EXTL3: variants seen among roughly 807,000 people sequenced by gnomAD.
EXTL3 encodes exostosin-like 3.
In EXTL3, 27 loss-of-function variants were observed where a neutral mutation model predicts 69.3. The ratio of observed to expected loss-of-function variants is 0.39; its 90% CI spans 0.29 to 0.54. The LOEUF is 0.54. Among genes scored for constraint, EXTL3 ranks in the 20% least tolerant of loss-of-function variants. The pLI, the probability that EXTL3 is intolerant of heterozygous loss-of-function variation, is 0.69. For synonymous variants in EXTL3, 511 were observed against 499.4 expected (o/e 1.02, Z -0.31); for missense variants, 1,003 against 1,231.8 (o/e 0.81, Z 2.78).
chr8:28,644,368 T>A (rs1806794429), intron 1 of EXTL3, among the ~76,000 whole-genome samples: 2 of 152,174 alleles, frequency 1.3e-5, no homozygotes, highest in Non-Finnish European at 2.9e-5. Flanking sequence ...TGCTTGGACA[T>A]AGAATCTCTG....
At chr8:28,671,320 T>G (rs1319636897) in intron 1 of EXTL3, among the ~76,000 whole-genome samples, 4 of 146,836 alleles carry the variant, frequency 2.7e-5, no homozygotes, top group Non-Finnish European at 6.0e-5. Context: ...TTTTTTTTTT[T>G]TTTTTTTTTG....
At chr8:28,622,617 C>A (rs1239295373), upstream of EXTL3, 1 of 45,958 alleles carries the variant, frequency 2.2e-5, no homozygotes, top group Non-Finnish European at 4.7e-5. Context: ...GCGGGGTATT[C>A]GGGGGGCGGA....
At chr8:28,722,271 T>C (rs1266586390) in intron 3 of EXTL3, among the ~76,000 whole-genome samples, 2 of 152,122 alleles carry the variant, frequency 1.3e-5, no homozygotes, top group African/African-American at 4.8e-5. Flanking sequence ...CCTGTCTGCC[T>C]TAGGATGCCC....
At chr8:28,678,766 G>T (rs1807431343) in intron 1 of EXTL3, among the ~76,000 whole-genome samples, 1 of 152,170 alleles carries the variant, frequency 6.6e-6, no homozygotes, top group South Asian at 2.1e-4. Context: ...CTAGCTTCTT[G>T]ATCAAAACAA....
At chr8:28,695,545 C>G (rs1800673034) in intron 1 of EXTL3, among the ~76,000 whole-genome samples, 1 of 152,232 alleles carries the variant, frequency 6.6e-6, no homozygotes, top group Admixed American at 6.5e-5. Context: ...CCTCTCTATG[C>G]TGACTCTATT....
rs759815114 is a variant in EXTL3 at position 28,629,949 on chromosome 8, A to G, written c.-53+7139A>G. Among the ~76,000 whole-genome samples, 42 of 152,142 alleles carry G rather than the reference A, an allele frequency of 2.8e-4. 1 individual carries two copies. Among genetic ancestry groups the G allele is most frequent in the Admixed American group, 5.2e-4 (8 of 15,270 alleles). On this transcript the variant is annotated intron_variant, in intron 1 of 6. Transcript: ENST00000523149. ...GGGGGTGCAATCTGGAAGACCCACA[A>G]TTTTCCTGGGACGACATCCCAATCT...
chr8:28,624,032 C>T (rs1806454993), intron 1 of EXTL3, among the ~76,000 whole-genome samples: 1 of 152,122 alleles, frequency 6.6e-6, no homozygotes, highest in South Asian at 2.1e-4. Flanking sequence ...GAAAATTCTC[C>T]TCATCCCCAG....
chr8:28,698,677 C>G (rs147268303), upstream of EXTL3, among the ~76,000 whole-genome samples: 1 of 151,862 alleles, frequency 6.6e-6, no homozygotes, highest in Non-Finnish European at 1.5e-5. Context: ...GTTGAAACCC[C>G]GTCTCTACAA....
At chr8:28,618,102 A>G (rs1328889803), upstream of EXTL3, among the ~76,000 whole-genome samples, 1 of 152,144 alleles carries the variant, frequency 6.6e-6, no homozygotes, top group African/African-American at 2.4e-5. Flanking sequence ...AGTTAATGCT[A>G]TTGAGCTCTA....
intron 5 of EXTL3, chr8:28,741,094 T>G (rs938828083): frequency 6.6e-6 from 1 of 152,264 alleles, no homozygotes; most frequent in African/African-American, 2.4e-5. Flanking sequence ...GTAGCTGGGA[T>G]TCACCCTGTT....
chr8:28,618,167 A>C (rs1439481129), upstream of EXTL3, among the ~76,000 whole-genome samples: 1 of 152,238 alleles, frequency 6.6e-6, no homozygotes, highest in East Asian at 1.9e-4. Context: ...ATTTTACCAT[A>C]ATAAAAAAGA....
intron 1 of EXTL3, among the ~76,000 whole-genome samples, chr8:28,676,756 G>T (rs534987342): frequency 6.6e-6 from 1 of 152,140 alleles, no homozygotes; most frequent in Non-Finnish European, 1.5e-5. Flanking sequence ...GAGGAAGATC[G>T]CCCAAAGTGG....
intron 1 of EXTL3, among the ~76,000 whole-genome samples, chr8:28,678,753 T>C (rs1175456909): frequency 6.6e-6 from 1 of 152,202 alleles, no homozygotes; most frequent in Non-Finnish European, 1.5e-5. Flanking sequence ...AAGAGAAAGT[T>C]TCCTAGCTTC....
intron 1 of EXTL3, among the ~76,000 whole-genome samples, chr8:28,671,937 TGA>T (rs1807301259): frequency 6.6e-6 from 1 of 152,156 alleles, no homozygotes; most frequent in Non-Finnish European, 1.5e-5. Flanking sequence ...CCCAGGAGTT[TGA>T]GACAAGGCTG....
chr8:28,669,892 T>C (rs58176309), intron 1 of EXTL3, among the ~76,000 whole-genome samples: 2 of 152,068 alleles, frequency 1.3e-5, no homozygotes, highest in Admixed American at 6.6e-5. Flanking sequence ...TGTACTGAGA[T>C]GCCAGGTTGC....
At chr8:28,719,714 A>G (rs1003968430) in intron 3 of EXTL3, among the ~76,000 whole-genome samples, 1 of 152,138 alleles carries the variant, frequency 6.6e-6, no homozygotes, top group South Asian at 2.1e-4. Context: ...ACTTTATGTC[A>G]TTGAAATTAA....
At chr8:28,656,551 C>T (rs2130613175) in intron 1 of EXTL3, among the ~76,000 whole-genome samples, 1 of 152,188 alleles carries the variant, frequency 6.6e-6, no homozygotes, top group South Asian at 2.1e-4. Context: ...AGAGTCCTGA[C>T]TAATAAAGGG....
intron 2 of EXTL3, among the ~76,000 whole-genome samples, 160 bp downstream of exon 2, chr8:28,713,710 G>A (rs1028076403): frequency 6.6e-6 from 1 of 152,076 alleles, no homozygotes; most frequent in Admixed American, 6.5e-5. Context: ...ATGTAAATTT[G>A]AGTATTTGGT....
intron 1 of EXTL3, among the ~76,000 whole-genome samples, chr8:28,677,638 C>T (rs1807409179): frequency 6.6e-6 from 1 of 152,206 alleles, no homozygotes; most frequent in Admixed American, 6.5e-5. Context: ...AGCACAAAGA[C>T]ACAGCTCGCT....
Sources: gnomAD v4.1 joint callset for allele counts (sites outside exome capture counted in the v4.1 genomes callset) on GRCh38, gnomAD v4.1.1 for gene constraint, MANE v1.5 for transcripts, NCBI Gene and HGNC (gene_info 2026-07-23, HGNC 2026-07-21) for gene names.